Variants in DIAPH2 observed in about 807,000 individuals in gnomAD.
DIAPH2 encodes diaphanous related formin 2.
Under a neutral mutation model 92.7 loss-of-function variants are expected in DIAPH2, and 35 were observed. That is an observed-to-expected ratio of 0.38 (90% CI 0.29 to 0.50). The LOEUF is 0.50. DIAPH2 is among the 20% of genes least tolerant of loss of function. The probability of loss-of-function intolerance (pLI) is 0.94; values close to 1 mark genes in which losing one functional copy is unlikely to be tolerated. For synonymous variants in DIAPH2, 301 were observed against 280.4 expected (o/e 1.07, Z -0.73); for missense variants, 701 against 819.5 (o/e 0.86, Z 1.77).
intron 26 of DIAPH2, among the ~76,000 whole-genome samples, chrX:97,560,693 A>G (rs894583429): frequency 1.8e-5 from 2 of 112,099 alleles, no homozygotes; most frequent in African/African-American, 6.5e-5. Context: ...AGGTTTCGCC[A>G]TGTTGGCCAG....
intron 26 of DIAPH2, among the ~76,000 whole-genome samples, chrX:97,584,098 G>A (rs913978265): frequency 2.7e-5 from 3 of 112,318 alleles, no homozygotes; most frequent in Non-Finnish European, 3.8e-5. Flanking sequence ...AGATGAACCC[G>A]GTACCTCAGA....
intron 22 of DIAPH2, among the ~76,000 whole-genome samples, chrX:97,212,267 CTG>C (rs2067846112): frequency 8.9e-6 from 1 of 111,898 alleles, no homozygotes; most frequent in African/African-American, 3.2e-5. Context: ...GTAGATAAAA[CTG>C]TCAGAAAATG....
At chrX:96,888,605 C>CAGA (rs2065284744) in intron 5 of DIAPH2, among the ~76,000 whole-genome samples, 10 of 71,507 alleles carry the variant, frequency 1.4e-4, no homozygotes, top group Admixed American at 5.3e-4. Context: ...ATATATATAT[C>CAGA]TATATATATC....
At position 97,173,907 on chromosome X, in the gene DIAPH2, C is replaced by CA. The variant is rs1229587025; in HGVS notation, c.2719+32125dup. ...TGAGTGACAGAATGAGACCCTATCT[C>CA]AAAAAAAAAAAACAGTGAAAAAAGG... is the stretch of plus-strand genomic sequence containing the variant. On this transcript the variant is annotated intron_variant, in intron 22 of 26. Transcript: ENST00000324765. 5.8e-3 allele frequency among the ~76,000 whole-genome samples: 461 copies of CA among 79,279 alleles called. 2 individuals are homozygous for CA. The highest frequency in any genetic ancestry group is 0.016 in the African/African-American group (342 of 21,249). 68.8% of individuals were successfully genotyped at this position (79,279 alleles called of 115,157 possible). A position where few individuals can be genotyped will look rare whatever the true frequency, so the allele number is the denominator to read the frequency against.
At chrX:97,003,732 A>C (rs1358323566) in intron 17 of DIAPH2, among the ~76,000 whole-genome samples, 1 of 111,412 alleles carries the variant, frequency 9.0e-6, no homozygotes, top group Non-Finnish European at 1.9e-5. Context: ...CATTTCACAG[A>C]TATTTCCTGC....
chrX:96,777,253 G>C (rs1364329323), intron 4 of DIAPH2, among the ~76,000 whole-genome samples: 1 of 111,514 alleles, frequency 9.0e-6, no homozygotes, highest in African/African-American at 3.2e-5. Flanking sequence ...TGTTTTGCTG[G>C]ATAGCTTTAA....
intron 22 of DIAPH2, among the ~76,000 whole-genome samples, chrX:97,159,315 C>T (rs1335950459): frequency 3.6e-5 from 4 of 111,978 alleles, no homozygotes; most frequent in Non-Finnish European, 3.8e-5. Context: ...TATATTACTT[C>T]TTATGTTATG....
At chrX:97,496,415 T>C (rs932509120) in intron 26 of DIAPH2, among the ~76,000 whole-genome samples, 1 of 109,357 alleles carries the variant, frequency 9.1e-6, no homozygotes, top group African/African-American at 3.3e-5. Flanking sequence ...CCTCAGGTGA[T>C]CCACCCACCT....
At chrX:97,425,405 T>C (rs755941411) in intron 25 of DIAPH2, among the ~76,000 whole-genome samples, 1 of 112,018 alleles carries the variant, frequency 8.9e-6, no homozygotes, top group South Asian at 3.7e-4. Flanking sequence ...TCAGAGATTT[T>C]AAGTGTTCTG....
intron 23 of DIAPH2, among the ~76,000 whole-genome samples, chrX:97,322,167 C>G (rs1268781023): frequency 1.8e-5 from 2 of 112,488 alleles, no homozygotes; most frequent in Non-Finnish European, 3.7e-5. Context: ...TTATAATTCA[C>G]ACTTTGCAGA....
chrX:97,282,100 G>A lies in DIAPH2; in HGVS notation c.2844+34261G>A, dbSNP rs190364698. ...AGTATTCAGTTGTGAAGTTTGAGGA[G>A]TGGAAAAACTAATTTGTCAAATTAT... On this transcript the variant is annotated intron_variant, in intron 23 of 26. Transcript: ENST00000324765. Among the ~76,000 whole-genome samples the A allele has an allele frequency of 5.4e-5, 6 of 111,022 alleles. No homozygotes were observed. In the East Asian group the frequency reaches 1.7e-3, roughly 32 times the overall value.
chrX:97,225,101 T>C (rs2067955142), intron 22 of DIAPH2, among the ~76,000 whole-genome samples: 1 of 110,925 alleles, frequency 9.0e-6, no homozygotes, highest in Non-Finnish European at 1.9e-5. Flanking sequence ...TTAAATATTA[T>C]GTGAACCAAG....
At chrX:96,807,293 A>G (rs2064635557) in intron 4 of DIAPH2, among the ~76,000 whole-genome samples, 1 of 111,650 alleles carries the variant, frequency 9.0e-6, no homozygotes, top group African/African-American at 3.3e-5. Context: ...CTAATAGTCT[A>G]TTATTCACAG....
chrX:97,096,449 T>C (rs773803314), intron 19 of DIAPH2, among the ~76,000 whole-genome samples: 2 of 111,514 alleles, frequency 1.8e-5, no homozygotes, highest in East Asian at 5.7e-4. Context: ...ACATTAGATG[T>C]TTCTAGAGGT....
intron 26 of DIAPH2, among the ~76,000 whole-genome samples, chrX:97,434,698 C>T (rs1244733989): frequency 1.8e-5 from 2 of 111,216 alleles, no homozygotes; most frequent in East Asian, 5.6e-4. Flanking sequence ...GTGTGAGCTA[C>T]CGCACCCAGC....
At chrX:97,040,088 T>C (rs2066437954) in intron 17 of DIAPH2, among the ~76,000 whole-genome samples, 1 of 111,059 alleles carries the variant, frequency 9.0e-6, no homozygotes, top group Admixed American at 9.6e-5. Context: ...AAACCAGGCA[T>C]GATTTCTTAT....
chrX:97,592,372 A>T (rs968414788), intron 26 of DIAPH2, among the ~76,000 whole-genome samples: 1 of 111,868 alleles, frequency 8.9e-6, no homozygotes, highest in Non-Finnish European at 1.9e-5. Context: ...AATATAGAAA[A>T]GTGATTTAAT....
chrX:97,305,431 T>C (rs1248729286), intron 23 of DIAPH2, among the ~76,000 whole-genome samples: 2 of 109,894 alleles, frequency 1.8e-5, no homozygotes, highest in African/African-American at 6.6e-5. Flanking sequence ...AGGCAGAGAT[T>C]GCAGTGAGAA....
chrX:96,814,368 G>C (rs1220778982), intron 4 of DIAPH2, among the ~76,000 whole-genome samples: 2 of 111,719 alleles, frequency 1.8e-5, no homozygotes, highest in African/African-American at 6.5e-5. Flanking sequence ...ATGGTTTTCA[G>C]CTCCATCAGG....
Sources: gnomAD v4.1 joint callset for allele counts (sites outside exome capture counted in the v4.1 genomes callset) on GRCh38, gnomAD v4.1.1 for gene constraint, MANE v1.5 for transcripts, NCBI Gene and HGNC (gene_info 2026-07-23, HGNC 2026-07-21) for gene names.